RAPGEF5: variants seen among roughly 807,000 people sequenced by gnomAD.
RAPGEF5 encodes M-Ras-regulated GEF.
In RAPGEF5, 65 loss-of-function variants were observed where a neutral mutation model predicts 125.2. That is an observed-to-expected ratio of 0.52 (90% CI 0.43 to 0.64). RAPGEF5 has a LOEUF of 0.64. Among genes scored for constraint, RAPGEF5 ranks in the 30% least tolerant of loss-of-function variants. The pLI, the probability that RAPGEF5 is intolerant of heterozygous loss-of-function variation, is 0.00. For synonymous variants in RAPGEF5, 391 were observed against 385.9 expected, an observed-to-expected ratio of 1.01 and a Z score of -0.16; for missense variants, 958 against 1,048.1, an observed-to-expected ratio of 0.91 and a Z score of 1.19.
intron 24 of RAPGEF5, among the ~76,000 whole-genome samples, chr7:22,130,338 G>T (rs1368272486): frequency 6.6e-6 from 1 of 152,172 alleles, no homozygotes; most frequent in East Asian, 1.9e-4. Flanking sequence ...AGGCTTGGAG[G>T]GGCCCACTGT....
At chr7:22,351,909 A>G (rs972639325) in intron 1 of RAPGEF5, among the ~76,000 whole-genome samples, 3 of 152,204 alleles carry the variant, frequency 2.0e-5, no homozygotes, top group Non-Finnish European at 4.4e-5. Flanking sequence ...AGACGGAATC[A>G]TCTGGGCAAA....
At chr7:22,186,091 G>T (rs997707863) in intron 11 of RAPGEF5, among the ~76,000 whole-genome samples, 3 of 152,100 alleles carry the variant, frequency 2.0e-5, no homozygotes, top group Non-Finnish European at 4.4e-5. Context: ...CTCCCAAAGT[G>T]CTTAATCTAA....
intron 1 of RAPGEF5, among the ~76,000 whole-genome samples, chr7:22,332,186 A>C (rs750531200): frequency 2.0e-5 from 3 of 152,196 alleles, no homozygotes; most frequent in Non-Finnish European, 4.4e-5. Context: ...ATAATCTCCA[A>C]AGTTAACTAA....
intron 18 of RAPGEF5, among the ~76,000 whole-genome samples, chr7:22,149,341 C>T (rs1583413437): frequency 6.6e-6 from 1 of 152,326 alleles, no homozygotes; most frequent in East Asian, 1.9e-4. Context: ...GCAGGTTTCT[C>T]AATTATACAT....
At chr7:22,335,149 C>T (rs58119962) in intron 1 of RAPGEF5, among the ~76,000 whole-genome samples, 6,207 of 152,278 alleles carry the variant, frequency 0.041, 154 homozygotes, top group East Asian at 0.085. Flanking sequence ...TGTTTATAAA[C>T]GAGCCAAATC....
chr7:22,139,163 T>A (rs1347642804), intron 21 of RAPGEF5, among the ~76,000 whole-genome samples: 1 of 151,970 alleles, frequency 6.6e-6, no homozygotes, highest in Non-Finnish European at 1.5e-5. Flanking sequence ...GGAGTTTGAG[T>A]TGGGAACCAT....
intron 23 of RAPGEF5, among the ~76,000 whole-genome samples, chr7:22,131,875 C>T (rs1380583514): frequency 3.3e-5 from 5 of 152,116 alleles, no homozygotes; most frequent in African/African-American, 9.7e-5. Flanking sequence ...AAATTAGTTA[C>T]ATTAAATAAA....
At chr7:22,157,961 T>C (rs1344032669) in intron 14 of RAPGEF5, 76 bp from the exon 15 acceptor site, 1 of 1,406,266 alleles carries the variant, frequency 7.1e-7, no homozygotes, top group Admixed American at 1.8e-5. Flanking sequence ...GGAAGACTAA[T>C]TTTCCAGCAC....
At chr7:22,284,482 G>A (rs925075536) in intron 6 of RAPGEF5, among the ~76,000 whole-genome samples, 17 of 152,218 alleles carry the variant, frequency 1.1e-4, no homozygotes, top group African/African-American at 3.6e-4. Context: ...AACTAGATCC[G>A]TCTTCTCCGG....
chr7:22,230,734 C>T (rs771700101), intron 8 of RAPGEF5, 112 bp downstream of exon 8: 3 of 962,724 alleles, frequency 3.1e-6, no homozygotes, highest in Non-Finnish European at 3.1e-6. Flanking sequence ...AATAACATGG[C>T]TATTTACAAA....
intron 11 of RAPGEF5, among the ~76,000 whole-genome samples, chr7:22,181,792 G>A (rs1784683279): frequency 6.6e-6 from 1 of 152,192 alleles, no homozygotes; most frequent in African/African-American, 2.4e-5. Context: ...CAATTGTAGA[G>A]TAAGAAAGCC....
At chr7:22,181,227 C>T (rs1395553983) in intron 11 of RAPGEF5, among the ~76,000 whole-genome samples, 3 of 152,050 alleles carry the variant, frequency 2.0e-5, no homozygotes, top group African/African-American at 7.2e-5. Context: ...TCAAGCAAGA[C>T]TCAAAGAAAA....
intron 9 of RAPGEF5, among the ~76,000 whole-genome samples, chr7:22,219,549 C>T (rs548519593): frequency 6.6e-6 from 1 of 151,380 alleles, no homozygotes. Flanking sequence ...TATGATAAGG[C>T]AAAACTTCCA....
intron 6 of RAPGEF5, among the ~76,000 whole-genome samples, chr7:22,275,992 C>T (rs889469593): frequency 3.3e-5 from 5 of 152,160 alleles, no homozygotes; most frequent in Non-Finnish European, 5.9e-5. Context: ...GTATCTGTGT[C>T]TTCAGTTTTC....
intron 6 of RAPGEF5, among the ~76,000 whole-genome samples, chr7:22,276,162 G>T (rs961357815): frequency 6.6e-6 from 1 of 151,992 alleles, no homozygotes; most frequent in African/African-American, 2.4e-5. Flanking sequence ...AAAATAAAAC[G>T]TTATGTTTAC....
chr7:22,253,098 T>G (rs1610047), intron 7 of RAPGEF5, among the ~76,000 whole-genome samples: 69,234 of 151,908 alleles, frequency 0.46, 17,092 homozygotes, highest in East Asian at 0.74. Context: ...GTTAGAACAA[T>G]GAGTTATTAT....
At chr7:22,169,695 TAA>T (rs34238182) in intron 11 of RAPGEF5, among the ~76,000 whole-genome samples, 37,278 of 126,912 alleles carry the variant, frequency 0.29, 5,624 homozygotes, top group Non-Finnish European at 0.36. Context: ...TCTCTACTGT[TAA>T]AAAAAAAAAA....
At chr7:22,326,400 C>G (rs1242146753) in intron 1 of RAPGEF5, among the ~76,000 whole-genome samples, 1 of 152,186 alleles carries the variant, frequency 6.6e-6, no homozygotes, top group East Asian at 1.9e-4. Flanking sequence ...GTTTACATAT[C>G]AACTCTGGCT....
chr7:22,251,289 C>T (rs1786612453), intron 7 of RAPGEF5, among the ~76,000 whole-genome samples: 1 of 145,188 alleles, frequency 6.9e-6, no homozygotes, highest in Admixed American at 6.9e-5. Flanking sequence ...CCCCAGCAAC[C>T]ACTCACGTAC....
Sources: gnomAD v4.1 joint callset for allele counts (sites outside exome capture counted in the v4.1 genomes callset) on GRCh38, gnomAD v4.1.1 for gene constraint, MANE v1.5 for transcripts, NCBI Gene and HGNC (gene_info 2026-07-23, HGNC 2026-07-21) for gene names.